The following CSMD1 variants were observed in gnomAD, a reference collection of about 807,000 sequenced individuals.
CSMD1 encodes CUB and sushi domain-containing protein 1.
CSMD1 carries 213 observed loss-of-function variants against 417.5 expected under a neutral mutation model. That is an observed-to-expected ratio of 0.51 (90% CI 0.46 to 0.57). The LOEUF is 0.57. CSMD1 is among the 20% of genes least tolerant of loss of function. The pLI, the probability that CSMD1 is intolerant of heterozygous loss-of-function variation, is 0.00. For missense variants in CSMD1, 6,923 were observed against 4,529.7 expected, an observed-to-expected ratio of 1.53 and a Z score of -15.17; for synonymous variants, 2,862 against 1,736.8, an observed-to-expected ratio of 1.65 and a Z score of -16.11.
intron 2 of CSMD1, among the ~76,000 whole-genome samples, chr8:4,536,104 A>C (rs763705496): frequency 6.6e-5 from 10 of 152,182 alleles, no homozygotes; most frequent in Non-Finnish European, 1.2e-4. Context: ...TCTGATTACC[A>C]TGTTCAAGAT....
At chr8:3,499,284 T>G (rs1259572632) in intron 10 of CSMD1, among the ~76,000 whole-genome samples, 3 of 152,214 alleles carry the variant, frequency 2.0e-5, no homozygotes, top group South Asian at 4.1e-4. Flanking sequence ...TGTAGCTGTC[T>G]GAGTAGCCTT....
chr8:4,732,344 CGTGT>C (rs750818272), intron 1 of CSMD1, among the ~76,000 whole-genome samples: 5 of 141,142 alleles, frequency 3.5e-5, no homozygotes, highest in South Asian at 4.8e-4. Flanking sequence ...ATTTCTTCTG[CGTGT>C]GTGTGTGTGT....
intron 11 of CSMD1, chr8:3,469,120 G>C: frequency 3.9e-6 from 1 of 254,958 alleles, no homozygotes; most frequent in Non-Finnish European, 7.5e-6. Context: ...GCTTCCCCAG[G>C]TGCAGGAATT....
intron 2 of CSMD1, among the ~76,000 whole-genome samples, chr8:4,451,384 A>G (rs12542542): frequency 0.17 from 25,315 of 152,146 alleles, 2,305 homozygotes; most frequent in South Asian, 0.28. Flanking sequence ...TTTATGGAAG[A>G]TAATTATTGA....
At chr8:4,760,200 T>C (rs530591439) in intron 1 of CSMD1, among the ~76,000 whole-genome samples, 13 of 152,214 alleles carry the variant, frequency 8.5e-5, no homozygotes, top group African/African-American at 2.9e-4. Context: ...TGCATTCTAA[T>C]AAATCTATGT....
chr8:4,471,336 T>C (rs1261326424), intron 2 of CSMD1, among the ~76,000 whole-genome samples: 1 of 152,198 alleles, frequency 6.6e-6, no homozygotes, highest in Admixed American at 6.5e-5. Flanking sequence ...GTGATCACTA[T>C]ATCGCAGCTT....
chr8:4,262,808 A>G (rs1317139758), intron 3 of CSMD1, among the ~76,000 whole-genome samples: 1 of 152,150 alleles, frequency 6.6e-6, no homozygotes, highest in East Asian at 1.9e-4. Context: ...AGATACCCAG[A>G]GACAATGAGA....
At chr8:4,575,847 G>C (rs1799111004) in intron 2 of CSMD1, among the ~76,000 whole-genome samples, 1 of 152,112 alleles carries the variant, frequency 6.6e-6, no homozygotes, top group Non-Finnish European at 1.5e-5. Context: ...GATCATCTCA[G>C]TCGCCTTCTA....
intron 1 of CSMD1, among the ~76,000 whole-genome samples, chr8:4,684,809 T>G (rs1806269040): frequency 6.6e-6 from 1 of 152,164 alleles, no homozygotes; most frequent in Non-Finnish European, 1.5e-5. Context: ...GAACAGTAAG[T>G]AAAAAAGAGA....
chr8:4,717,328 C>CATATATATAT lies in CSMD1; in HGVS notation c.86-79771_86-79770insATATATATAT, dbSNP rs753262975. 5.2e-3 allele frequency among the ~76,000 whole-genome samples: 339 copies of CATATATATAT among 65,784 alleles called. 14 individuals are homozygous for CATATATATAT. Among genetic ancestry groups the CATATATATAT allele is most frequent in the African/African-American group, 0.047 (327 of 6,924 alleles). 43.2% of individuals were successfully genotyped at this position (65,784 alleles called of 152,430 possible). A position where few individuals can be genotyped will look rare whatever the true frequency, so the allele number is the denominator to read the frequency against. On this transcript the variant is annotated intron_variant, in intron 1 of 69. Coordinates refer to ENST00000635120, the MANE Select transcript of CSMD1 (RefSeq NM_033225.6). ...CTCTCTCCATATATATATATATATACACACACACACGTATATATACACACA... is the reference window on the plus strand; with the variant it reads ...CTCTCTCCATATATATATATATATACATATATATATACACACACACGTATATATACACACA...
intron 2 of CSMD1, among the ~76,000 whole-genome samples, chr8:4,509,321 C>G (rs957695865): frequency 2.6e-5 from 4 of 152,006 alleles, no homozygotes; most frequent in African/African-American, 9.7e-5. Flanking sequence ...CCCTACCAAC[C>G]CCCACCCTCT....
intron 10 of CSMD1, among the ~76,000 whole-genome samples, chr8:3,538,776 G>A (rs1050888653): frequency 6.6e-6 from 1 of 152,154 alleles, no homozygotes; most frequent in Non-Finnish European, 1.5e-5. Flanking sequence ...TCCTACTCGG[G>A]AAGCCACACT....
intron 1 of CSMD1, among the ~76,000 whole-genome samples, chr8:4,982,507 G>T (rs770986171): frequency 2.0e-5 from 3 of 152,146 alleles, no homozygotes; most frequent in Non-Finnish European, 4.4e-5. Context: ...ATTAAAAAGT[G>T]GCTCAAATCT....
At chr8:4,020,398 G>C (rs1009170466) in intron 4 of CSMD1, among the ~76,000 whole-genome samples, 4 of 152,178 alleles carry the variant, frequency 2.6e-5, no homozygotes, top group African/African-American at 4.8e-5. Flanking sequence ...CTGACACTGA[G>C]CATGACATCT....
chr8:3,271,096 A>C lies in CSMD1; in HGVS notation c.4153+13048T>G, dbSNP rs866861781. On this transcript the variant is annotated intron_variant, in intron 26 of 69. Coordinates refer to ENST00000635120, the MANE Select transcript of CSMD1 (RefSeq NM_033225.6). ...TTCCCCCCTCCCCCCACCCCACAAC[A>C]GTCCCCAGAGTGTGATGTTCCCCTT... 4.7e-4 allele frequency among the ~76,000 whole-genome samples: 46 copies of C among 97,716 alleles called. No individual in the cohort carries two copies. The South Asian group carries it at 8.7e-3, about 18-fold the overall frequency. The allele number at this position is 97,716 out of a possible 152,430, so 64.1% of individuals were successfully genotyped here.
chr8:3,087,901 T>G (rs532579336), intron 48 of CSMD1, among the ~76,000 whole-genome samples: 2 of 152,372 alleles, frequency 1.3e-5, no homozygotes, highest in Non-Finnish European at 1.5e-5. Flanking sequence ...TTCTGCGTGT[T>G]TTTTAAGTGT....
intron 3 of CSMD1, among the ~76,000 whole-genome samples, chr8:4,397,918 T>C (rs1438838226): frequency 3.3e-5 from 5 of 152,176 alleles, no homozygotes; most frequent in Non-Finnish European, 7.3e-5. Flanking sequence ...TTTAAGCTTG[T>C]TCTTTAAAAC....
At chr8:3,760,596 T>C (rs752451647) in intron 5 of CSMD1, among the ~76,000 whole-genome samples, 2 of 152,256 alleles carry the variant, frequency 1.3e-5, no homozygotes, top group Admixed American at 6.5e-5. Flanking sequence ...GCACTCTGTA[T>C]GTATGACTCA....
At chr8:4,848,162 G>A (rs1010996721) in intron 1 of CSMD1, among the ~76,000 whole-genome samples, 4 of 152,146 alleles carry the variant, frequency 2.6e-5, no homozygotes, top group African/African-American at 9.7e-5. Context: ...TTCATTCTTG[G>A]TCTGGCTGAA....
Sources: gnomAD v4.1 joint callset for allele counts (sites outside exome capture counted in the v4.1 genomes callset) on GRCh38, gnomAD v4.1.1 for gene constraint, MANE v1.5 for transcripts, NCBI Gene and HGNC (gene_info 2026-07-23, HGNC 2026-07-21) for gene names.